TSPAN7: variants seen among roughly 807,000 people sequenced by gnomAD.
TSPAN7 encodes the protein tetraspanin 7, also known as tetraspanin-7.
A neutral mutation model predicts 17.6 loss-of-function variants in TSPAN7; 1 was observed. The ratio of observed to expected loss-of-function variants is 0.06; its 90% CI spans 0.02 to 0.27. The LOEUF (loss-of-function observed/expected upper bound fraction) is 0.27. TSPAN7 is among the 10% of genes least tolerant of loss of function. The pLI is 1.00. For missense variants in TSPAN7, 112 were observed against 201.7 expected, an observed-to-expected ratio of 0.56 and a Z score of 2.69; for synonymous variants, 78 against 79.0, an observed-to-expected ratio of 0.99 and a Z score of 0.07.
intron 1 of TSPAN7, among the ~76,000 whole-genome samples, chrX:38,579,206 G>A (rs1333824268): frequency 2.7e-5 from 3 of 111,391 alleles, no homozygotes; most frequent in Non-Finnish European, 5.6e-5. Flanking sequence ...ATGTCTCAAA[G>A]GTAGAGTGCC....
At chrX:38,615,882 G>A in intron 1 of TSPAN7, among the ~76,000 whole-genome samples, 1 of 111,432 alleles carries the variant, frequency 9.0e-6, no homozygotes, top group Non-Finnish European at 1.9e-5. Flanking sequence ...GTGATTTTGG[G>A]GTCACCATCA....
chrX:38,608,274 C>G (rs1213910560), intron 1 of TSPAN7: 1 of 109,872 alleles, frequency 9.1e-6, no homozygotes, highest in Non-Finnish European at 1.9e-5. Context: ...CCAGAAAGCC[C>G]CCCCACCAAA....
At chrX:38,619,135 G>C (rs745491353) in intron 1 of TSPAN7, among the ~76,000 whole-genome samples, 1 of 111,235 alleles carries the variant, frequency 9.0e-6, no homozygotes, top group South Asian at 3.8e-4. Flanking sequence ...TAAGTGATAA[G>C]AGTGTCCAGG....
At chrX:38,607,141 C>T (rs894399732) in intron 1 of TSPAN7, among the ~76,000 whole-genome samples, 4 of 111,636 alleles carry the variant, frequency 3.6e-5, no homozygotes, top group African/African-American at 1.3e-4. Flanking sequence ...CCCCAGAACT[C>T]GCATGTATGA....
intron 1 of TSPAN7, among the ~76,000 whole-genome samples, chrX:38,626,004 G>A (rs183237816): frequency 1.8e-5 from 2 of 112,269 alleles, no homozygotes; most frequent in East Asian, 2.8e-4. Flanking sequence ...TGGGAATCAC[G>A]TGAATTTGTC....
At chrX:38,579,302 G>A (rs942933066) in intron 1 of TSPAN7, among the ~76,000 whole-genome samples, 4 of 110,647 alleles carry the variant, frequency 3.6e-5, no homozygotes, top group African/African-American at 1.3e-4. Context: ...ATGCAAGGCC[G>A]GGCATGGTGG....
chrX:38,687,729 T>C, intron 7 of TSPAN7, 55 bp downstream of exon 7: 2 of 1,045,497 alleles, frequency 1.9e-6, no homozygotes, highest in Non-Finnish European at 2.6e-6. Flanking sequence ...GGACACTTAC[T>C]ACCCTTCAAA....
At chrX:38,579,876 C>A (rs2147399494) in intron 1 of TSPAN7, among the ~76,000 whole-genome samples, 1 of 111,454 alleles carries the variant, frequency 9.0e-6, no homozygotes, top group Admixed American at 9.6e-5. Context: ...CCCTACATCT[C>A]CTCCTCTCTG....
intron 5 of TSPAN7, among the ~76,000 whole-genome samples, chrX:38,677,963 T>C (rs959556061): frequency 8.9e-6 from 1 of 112,282 alleles, no homozygotes; most frequent in Non-Finnish European, 1.9e-5. Flanking sequence ...GGATCATCCC[T>C]GTAGATCCTG....
intron 1 of TSPAN7, among the ~76,000 whole-genome samples, chrX:38,576,295 C>T (rs1327149703): frequency 9.0e-6 from 1 of 111,542 alleles, no homozygotes; most frequent in East Asian, 2.8e-4. Context: ...AAGAAAGGCT[C>T]ATGATTTTTA....
chrX:38,592,530 A>G (rs1333723333), intron 1 of TSPAN7, among the ~76,000 whole-genome samples: 1 of 109,947 alleles, frequency 9.1e-6, no homozygotes, highest in African/African-American at 3.3e-5. Context: ...CTTATTAGCT[A>G]TAATTCTTTA....
At chrX:38,673,105 A>G (rs1003400208) in intron 3 of TSPAN7, among the ~76,000 whole-genome samples, 1 of 111,859 alleles carries the variant, frequency 8.9e-6, no homozygotes, top group African/African-American at 3.3e-5. Flanking sequence ...TGTCCCATGG[A>G]CATAGTTTAC....
At chrX:38,663,247 G>T (rs1406070909) in intron 1 of TSPAN7, among the ~76,000 whole-genome samples, 2 of 111,237 alleles carry the variant, frequency 1.8e-5, no homozygotes, top group Non-Finnish European at 3.8e-5. Context: ...AATGGCATTT[G>T]CAGCAACCTG....
chrX:38,567,067 T>G, intron 1 of TSPAN7, among the ~76,000 whole-genome samples: 1 of 107,890 alleles, frequency 9.3e-6, no homozygotes, highest in East Asian at 2.9e-4. Flanking sequence ...ATCACTAATC[T>G]TTTCTGGAAA....
intron 6 of TSPAN7, among the ~76,000 whole-genome samples, chrX:38,687,239 T>C (rs1444951969): frequency 8.9e-6 from 1 of 111,826 alleles, no homozygotes; most frequent in African/African-American, 3.3e-5. Flanking sequence ...TCCTTAATTT[T>C]TTTATTACTC....
At chrX:38,670,454 C>T (rs1212694856) in intron 2 of TSPAN7, among the ~76,000 whole-genome samples, 1 of 112,077 alleles carries the variant, frequency 8.9e-6, no homozygotes, top group Non-Finnish European at 1.9e-5. Context: ...AGATGAAAAG[C>T]ACTAAAGGCG....
chrX:38,643,672 CAAAA>C (rs34238064), intron 1 of TSPAN7, among the ~76,000 whole-genome samples: 2 of 56,060 alleles, frequency 3.6e-5, no homozygotes, highest in Non-Finnish European at 3.2e-5. Context: ...CCGTCTCTAC[CAAAA>C]AAAAAAAAAA....
chrX:38,566,928 C>T (rs1290703672), intron 1 of TSPAN7, among the ~76,000 whole-genome samples: 1 of 111,507 alleles, frequency 9.0e-6, no homozygotes, highest in Admixed American at 9.5e-5. Context: ...AAGAGAAGTT[C>T]CCCTTGCTTA....
At chrX:38,623,810 A>G (rs2069503718) in intron 1 of TSPAN7, among the ~76,000 whole-genome samples, 1 of 108,453 alleles carries the variant, frequency 9.2e-6, no homozygotes, top group African/African-American at 3.3e-5. Flanking sequence ...AAACAAAACG[A>G]AAACCAGTTC....
Sources: gnomAD v4.1 joint callset for allele counts (sites outside exome capture counted in the v4.1 genomes callset) on GRCh38, gnomAD v4.1.1 for gene constraint, MANE v1.5 for transcripts, NCBI Gene and HGNC (gene_info 2026-07-23, HGNC 2026-07-21) for gene names.